SVOPL: variants seen among roughly 807,000 people sequenced by gnomAD.
The protein encoded by SVOPL is SVOP like.
Under a neutral mutation model 61.0 loss-of-function variants are expected in SVOPL, and 60 were observed. The observed-to-expected ratio is 0.98, with a 90% CI of 0.80 to 1.22. The LOEUF (loss-of-function observed/expected upper bound fraction) is 1.22. Among genes scored for constraint, SVOPL ranks in the 50% most tolerant of loss-of-function variants. SVOPL has a pLI of 0.00. For synonymous variants in SVOPL, 279 were observed against 250.0 expected, an observed-to-expected ratio of 1.12 and a Z score of -1.09; for missense variants, 662 against 643.9, an observed-to-expected ratio of 1.03 and a Z score of -0.30.
intron 7 of SVOPL, among the ~76,000 whole-genome samples, chr7:138,655,110 A>C (rs1465447352): frequency 2.6e-5 from 4 of 151,984 alleles, no homozygotes; most frequent in African/African-American, 9.7e-5. Context: ...GGATCACTTG[A>C]GCCTGGGAGG....
intron 9 of SVOPL, among the ~76,000 whole-genome samples, chr7:138,639,149 G>C (rs369671389): frequency 6.6e-6 from 1 of 152,154 alleles, no homozygotes; most frequent in African/African-American, 2.4e-5. Flanking sequence ...CAGCTACTTG[G>C]GGGGCTGAGG....
chr7:138,653,120 T>G (rs990497391), intron 7 of SVOPL, among the ~76,000 whole-genome samples: 4 of 151,742 alleles, frequency 2.6e-5, no homozygotes, highest in African/African-American at 9.7e-5. Flanking sequence ...CTAAGAGAGG[T>G]GGGGAAGCTG....
At chr7:138,661,479 G>A (rs11771094) in intron 5 of SVOPL, 398,183 of 980,818 alleles carry the variant, frequency 0.41, 81,078 homozygotes, top group Middle Eastern at 0.48. Flanking sequence ...ATGCGACTCC[G>A]GTCACATTCC....
At chr7:138,635,422 G>A (rs927546257) in intron 9 of SVOPL, among the ~76,000 whole-genome samples, 1 of 151,544 alleles carries the variant, frequency 6.6e-6, no homozygotes, top group African/African-American at 2.4e-5. Flanking sequence ...ATAGAGATGG[G>A]GGTGGGGGTC....
chr7:138,682,964 A>G (rs576864765), intron 1 of SVOPL, among the ~76,000 whole-genome samples: 1,359 of 117,668 alleles, frequency 0.012, 26 homozygotes, highest in African/African-American at 0.056. Flanking sequence ...GCAAAACTCC[A>G]TCTCAAAAAA....
At chr7:138,660,732 A>G in intron 5 of SVOPL, 1 of 985,402 alleles carries the variant, frequency 1.0e-6, no homozygotes, top group Non-Finnish European at 1.2e-6. Context: ...GAATATTTTC[A>G]AGGTTCATGT....
chr7:138,633,797 A>G (rs1800335332), intron 9 of SVOPL, among the ~76,000 whole-genome samples: 1 of 152,236 alleles, frequency 6.6e-6, no homozygotes, highest in Admixed American at 6.5e-5. Context: ...ACTATGGAGT[A>G]CATGCCACCT....
At chr7:138,641,883 AG>A (rs1800820868) in intron 9 of SVOPL, among the ~76,000 whole-genome samples, 1 of 142,570 alleles carries the variant, frequency 7.0e-6, no homozygotes, top group Non-Finnish European at 1.5e-5. Context: ...ATGTATATAT[AG>A]TCAATGGGTA....
At chr7:138,598,805 C>T (rs1353108520) in intron 14 of SVOPL, among the ~76,000 whole-genome samples, 1 of 152,026 alleles carries the variant, frequency 6.6e-6, no homozygotes. Flanking sequence ...TAGGAATAAA[C>T]AAGAAATGTA....
At chr7:138,631,479 C>T (rs1800187053) in intron 9 of SVOPL, among the ~76,000 whole-genome samples, 1 of 152,136 alleles carries the variant, frequency 6.6e-6, no homozygotes, top group Non-Finnish European at 1.5e-5. Context: ...CATCCTTCCA[C>T]TATTCTTCCC....
At chr7:138,627,757 C>A (rs1799958149) in intron 11 of SVOPL, among the ~76,000 whole-genome samples, 1 of 152,136 alleles carries the variant, frequency 6.6e-6, no homozygotes. Flanking sequence ...TATATGTTTT[C>A]ATCAAATTCA....
At chr7:138,594,877 TATAC>T (rs1023374902) in intron 15 of SVOPL, among the ~76,000 whole-genome samples, 87 of 151,888 alleles carry the variant, frequency 5.7e-4, no homozygotes, top group African/African-American at 1.9e-3. Context: ...TGTATACATA[TATAC>T]ATACATACAT....
At chr7:138,598,289 C>CTA (rs1798364892) in intron 14 of SVOPL, among the ~76,000 whole-genome samples, 1 of 152,058 alleles carries the variant, frequency 6.6e-6, no homozygotes, top group African/African-American at 2.4e-5. Context: ...GAAGACGTAG[C>CTA]TATACTGAAG....
rs367625070 is a variant in SVOPL at position 138,596,408 on chromosome 7, A to T, written c.1467+9T>A. On this transcript the variant is annotated intron_variant, in intron 15 of 15. Coordinates refer to ENST00000674285, the MANE Select transcript of SVOPL (RefSeq NM_001139456.2). The stretch of plus-strand genomic sequence containing the variant: ...TTGAAAAGACTTCAGAGTTCCCTGC[A>T]TCACTCACCTGGAGGGCCCGTCCTT... 2 of 1,613,224 alleles carry T rather than the reference A, an allele frequency of 1.2e-6. No homozygotes were observed. The highest frequency in any genetic ancestry group is 2.7e-5 in the African/African-American group (2 of 74,892).
chr7:138,674,852 T>C (rs1802519321), intron 3 of SVOPL, among the ~76,000 whole-genome samples: 2 of 114,470 alleles, frequency 1.7e-5, no homozygotes, highest in South Asian at 3.1e-4. Context: ...TGAGACTCCA[T>C]CTCAAAAAAA....
At chr7:138,686,405 C>CAAAA (rs200553829) in intron 1 of SVOPL, among the ~76,000 whole-genome samples, 77 of 88,612 alleles carry the variant, frequency 8.7e-4, no homozygotes, top group African/African-American at 2.2e-3. Flanking sequence ...GACTCCGCCT[C>CAAAA]AAAAAAAAAA....
intron 14 of SVOPL, 66 bp downstream of exon 14, chr7:138,620,980 G>A (rs1239756314): frequency 7.1e-7 from 1 of 1,413,984 alleles, no homozygotes; most frequent in Non-Finnish European, 9.9e-7. Context: ...TTAATCTGAA[G>A]GTCCCTGGGT....
At chr7:138,623,590 A>C (rs1490070265) in intron 13 of SVOPL, among the ~76,000 whole-genome samples, 1 of 151,986 alleles carries the variant, frequency 6.6e-6, no homozygotes, top group Non-Finnish European at 1.5e-5. Flanking sequence ...ACAGAACAAG[A>C]CTCTGTCTCA....
At position 138,644,757 on chromosome 7, in the gene SVOPL, C is replaced by T. The variant is rs149283565; in HGVS notation, c.749G>A (p.Arg250His). 75 of 1,614,146 alleles carry T rather than the reference C, an allele frequency of 4.6e-5. No homozygotes were observed. The African/African-American group carries it at 6.7e-4, about 14-fold the overall frequency. The change falls in exon 9 of 16, where the codon CGC (arginine) becomes CAC (histidine). Residue 250 changes from arginine (R) to histidine (H), a missense_variant. By Grantham distance (29) the Arg-to-His change is conservative. Transcript: ENST00000674285. Reference protein sequence around the residue: ...ATLERVAKMNRSVMPEGKLVE... With the variant: ...ATLERVAKMNHSVMPEGKLVE... ...CAGCTTCCCCTCCGGCATGACCGAG[C>T]GGTTCATCTTGGCAACGCGCTCCAG...
Sources: allele counts gnomAD v4.1 joint callset (sites outside exome capture counted in the v4.1 genomes callset), GRCh38; gene constraint gnomAD v4.1.1; transcripts MANE v1.5; gene names NCBI Gene and HGNC (gene_info 2026-07-23, HGNC 2026-07-21).